UNC13C: variants seen among roughly 807,000 people sequenced by gnomAD.
UNC13C encodes the protein unc-13 homolog C, also known as protein unc-13 homolog C.
In UNC13C, 174 loss-of-function variants were observed where a neutral mutation model predicts 245.4. The observed-to-expected ratio is 0.71, with a 90% CI of 0.63 to 0.80. UNC13C has a LOEUF of 0.80. UNC13C is among the 30% of genes least tolerant of loss of function. UNC13C has a pLI of 0.00. For missense variants in UNC13C, 2,829 were observed against 2,602.9 expected (o/e 1.09, Z -1.89); for synonymous variants, 992 against 895.1 (o/e 1.11, Z -1.93).
At chr15:54,633,151 G>A (rs1901487670), downstream of UNC13C, 1 of 151,240 alleles carries the variant, frequency 6.6e-6, no homozygotes, top group African/African-American at 2.5e-5. Context: ...GGCAACAAGA[G>A]CAAAACTCTG....
chr15:54,442,263 T>G (rs1890568972), intron 19 of UNC13C, among the ~76,000 whole-genome samples: 1 of 150,844 alleles, frequency 6.6e-6, no homozygotes, highest in Admixed American at 6.6e-5. Context: ...TTTTTTTTTT[T>G]TTTTTGAGAC....
chr15:54,534,774 T>A (rs1895916333), intron 26 of UNC13C, among the ~76,000 whole-genome samples: 1 of 152,142 alleles, frequency 6.6e-6, no homozygotes, highest in Non-Finnish European at 1.5e-5. Flanking sequence ...ACTATAAGAA[T>A]TTCCTAATAT....
At chr15:54,290,549 T>C (rs1397991866) in intron 10 of UNC13C, among the ~76,000 whole-genome samples, 1 of 152,068 alleles carries the variant, frequency 6.6e-6, no homozygotes, top group Non-Finnish European at 1.5e-5. Context: ...TGAACAGAAA[T>C]TTGGAAAGAA....
At chr15:54,512,786 T>A (rs1894808690) in intron 24 of UNC13C, among the ~76,000 whole-genome samples, 1 of 152,196 alleles carries the variant, frequency 6.6e-6, no homozygotes, top group Non-Finnish European at 1.5e-5. Flanking sequence ...ATATCCCTTT[T>A]ATTTCTAAAC....
intron 2 of UNC13C, among the ~76,000 whole-genome samples, chr15:54,017,841 A>G (rs1029518635): frequency 3.9e-5 from 6 of 152,184 alleles, no homozygotes; most frequent in Non-Finnish European, 8.8e-5. Flanking sequence ...TTACCTGCAT[A>G]TGAGGCCTGG....
intron 2 of UNC13C, among the ~76,000 whole-genome samples, chr15:54,029,629 TTCA>T (rs1896271496): frequency 1.3e-5 from 2 of 152,214 alleles, no homozygotes; most frequent in South Asian, 4.1e-4. Context: ...TTATTACCTA[TTCA>T]TTATTATTAG....
At chr15:54,328,494 G>C (rs1189529695) in intron 14 of UNC13C, among the ~76,000 whole-genome samples, 1 of 152,020 alleles carries the variant, frequency 6.6e-6, no homozygotes, top group Non-Finnish European at 1.5e-5. Flanking sequence ...GCACCTCCCA[G>C]GGGTGCTAAA....
chr15:54,545,764 C>A (rs564785142), intron 26 of UNC13C, among the ~76,000 whole-genome samples: 2 of 152,098 alleles, frequency 1.3e-5, no homozygotes, highest in Non-Finnish European at 1.5e-5. Context: ...AAATCAAAAC[C>A]ACAGTGAGAT....
intron 4 of UNC13C, among the ~76,000 whole-genome samples, chr15:54,194,581 C>G (rs1389255506): frequency 6.7e-6 from 1 of 148,338 alleles, no homozygotes; most frequent in Non-Finnish European, 1.5e-5. Flanking sequence ...ATATAAAACT[C>G]TCCATTGAAT....
At chr15:54,099,388 C>A (rs1324904430) in intron 2 of UNC13C, among the ~76,000 whole-genome samples, 3 of 152,152 alleles carry the variant, frequency 2.0e-5, no homozygotes, top group Non-Finnish European at 4.4e-5. Context: ...ATATAGCAAA[C>A]CCCAGTAAGT....
intron 30 of UNC13C, among the ~76,000 whole-genome samples, chr15:54,600,691 T>G (rs1899363646): frequency 6.6e-6 from 1 of 152,160 alleles, no homozygotes; most frequent in South Asian, 2.1e-4. Flanking sequence ...TTTTTTATCT[T>G]TCTTATACAA....
chr15:54,321,512 C>A (rs1296946854), intron 13 of UNC13C: 6 of 474,558 alleles, frequency 1.3e-5, no homozygotes, highest in South Asian at 4.6e-5. Flanking sequence ...AAACCCAAAG[C>A]CCCTGGAGTG....
At chr15:54,407,061 T>G (rs760589781) in intron 18 of UNC13C, among the ~76,000 whole-genome samples, 1 of 152,188 alleles carries the variant, frequency 6.6e-6, no homozygotes, top group East Asian at 1.9e-4. Context: ...CAGAGCAGGA[T>G]AGTCATATTA....
the UNC13C span, among the ~76,000 whole-genome samples, chr15:53,956,909 T>C: frequency 1.3e-5 from 2 of 150,738 alleles, no homozygotes; most frequent in East Asian, 2.0e-4. Flanking sequence ...TGTGTGTGCA[T>C]GCACACATCC....
chr15:53,993,595 G>A (rs993912987), intron 1 of UNC13C, among the ~76,000 whole-genome samples: 6 of 152,134 alleles, frequency 3.9e-5, no homozygotes, highest in Non-Finnish European at 8.8e-5. Context: ...ATTGACTTGA[G>A]TATCAGGGAT....
chr15:54,567,721 A>G, intron 29 of UNC13C, 79 bp from the exon 30 acceptor site: 1 of 1,285,412 alleles, frequency 7.8e-7, no homozygotes. Context: ...ATTCCATTTG[A>G]GCTTCTCTAT....
chr15:54,188,768 C>T (rs1370884232), intron 4 of UNC13C, among the ~76,000 whole-genome samples: 1 of 152,116 alleles, frequency 6.6e-6, no homozygotes, highest in Admixed American at 6.6e-5. Flanking sequence ...ATCATGATCC[C>T]TATTTATTAG....
At chr15:54,151,105 A>T (rs1567051657) in intron 4 of UNC13C, among the ~76,000 whole-genome samples, 1 of 152,124 alleles carries the variant, frequency 6.6e-6, no homozygotes, top group South Asian at 2.1e-4. Flanking sequence ...TAAACCCAGG[A>T]AAAAATATTT....
the UNC13C span, among the ~76,000 whole-genome samples, chr15:53,899,303 G>A: frequency 6.6e-6 from 1 of 152,180 alleles, no homozygotes; most frequent in Non-Finnish European, 1.5e-5. Context: ...TGCAAGAATT[G>A]CAAGAATCTG....
Sources: allele counts gnomAD v4.1 joint callset (sites outside exome capture counted in the v4.1 genomes callset), GRCh38; gene constraint gnomAD v4.1.1; transcripts MANE v1.5; gene names NCBI Gene and HGNC (gene_info 2026-07-23, HGNC 2026-07-21).